The following MAML3 variants were observed in gnomAD, a reference collection of about 807,000 sequenced individuals.
The protein encoded by MAML3 is mastermind-like protein 3.
In MAML3, 27 loss-of-function variants were observed where a neutral mutation model predicts 101.9. The ratio of observed to expected loss-of-function variants is 0.27; its 90% CI spans 0.20 to 0.37. The LOEUF is 0.37. Among genes scored for constraint, MAML3 ranks in the 10% least tolerant of loss-of-function variants. The pLI, the probability that MAML3 is intolerant of heterozygous loss-of-function variation, is 1.00. For synonymous variants in MAML3, 501 were observed against 555.9 expected (o/e 0.90, Z 1.39); for missense variants, 1,316 against 1,444.9 (o/e 0.91, Z 1.45).
intron 1 of MAML3, among the ~76,000 whole-genome samples, chr4:139,892,867 C>G (rs1191979967): frequency 6.9e-6 from 1 of 145,884 alleles, no homozygotes; most frequent in African/African-American, 2.6e-5. Context: ...GGAGGTGGAG[C>G]TTGCAGTGAG....
intron 1 of MAML3, among the ~76,000 whole-genome samples, chr4:139,945,836 T>C (rs1733717503): frequency 6.6e-6 from 1 of 152,252 alleles, no homozygotes. Context: ...AAGGCATTTA[T>C]TCAGGCAGTG....
Position 139,890,623 on chromosome 4 carries a change from G to T in MAML3, c.813C>A (p.Ser271Arg), listed in dbSNP as rs766363821. 1 of 1,613,942 alleles carries T rather than the reference G, an allele frequency of 6.2e-7. No individual in the cohort carries two copies. The highest frequency in any genetic ancestry group is 1.7e-5 in the Admixed American group (1 of 60,012). ...DLEDSFTILQ[S>R]KDLKQEPLDD... Reference sequence around the variant, plus strand: ...CGAGAGGTTCTTGTTTGAGGTCTTTGCTCTGCAAGATGGTGAAGCTATCCT... The same window carrying T: ...CGAGAGGTTCTTGTTTGAGGTCTTTTCTCTGCAAGATGGTGAAGCTATCCT... Residue 271 changes from serine to arginine, a missense_variant, in exon 2 of 5, where the codon AGC becomes AGA. Transcript: ENST00000509479. The surrounding 1 kb of genome is among the most constrained non-coding windows in gnomAD (Gnocchi z 4.1).
rs147138366 is a variant in MAML3 at position 139,951,870 on chromosome 4, G to C, written c.469-60903C>G. Among the ~76,000 whole-genome samples the C allele has an allele frequency of 6.2e-3, 949 of 152,032 alleles. 6 individuals carry two copies. Among genetic ancestry groups the C allele is most frequent in the Middle Eastern group, 0.017 (5 of 292 alleles). On this transcript the variant is annotated intron_variant, in intron 1 of 4. Transcript: ENST00000509479. ...ATGGAGCCATTAAATTAAAGCTTAC[G>C]AAGGGCTATTAGGCTGCGTGCAGTG...
intron 2 of MAML3, 174 bp downstream of exon 2, chr4:139,889,183 T>C (rs746682523): frequency 1.6e-6 from 2 of 1,260,364 alleles, no homozygotes; most frequent in South Asian, 2.4e-5. Context: ...TTTCCATTTC[T>C]TAGGAGAAAT....
chr4:139,760,915 A>T (rs1439036330), intron 2 of MAML3, among the ~76,000 whole-genome samples: 1 of 152,144 alleles, frequency 6.6e-6, no homozygotes, highest in Non-Finnish European at 1.5e-5. Context: ...TAGAAAAGAG[A>T]GTCAAATTGC....
chr4:139,959,496 G>A (rs1305564443), intron 1 of MAML3, among the ~76,000 whole-genome samples: 1 of 152,152 alleles, frequency 6.6e-6, no homozygotes, highest in African/African-American at 2.4e-5. Flanking sequence ...CTGCTTTCAA[G>A]GTGAGATTTC....
At position 140,091,547 on chromosome 4, in the gene MAML3, A is replaced by C. The variant is rs1213672873; in HGVS notation, c.468+61313T>G. 1.3e-4 allele frequency among the ~76,000 whole-genome samples: 19 copies of C among 140,858 alleles called. 1 individual carries two copies. Among genetic ancestry groups the C allele is most frequent in the Admixed American group, 8.4e-4 (12 of 14,234 alleles). 92.4% of individuals were successfully genotyped at this position (140,858 alleles called of 152,430 possible). A position where few individuals can be genotyped will look rare whatever the true frequency, so the allele number is the denominator to read the frequency against. ...AACAAAACAACAAAACAAAAACAAA[A>C]CAAAAAAAAAAAACAGGACCAAGGA... On this transcript the variant is annotated intron_variant, in intron 1 of 4. Transcript: ENST00000509479.
chr4:139,995,960 G>T (rs1174891530), intron 1 of MAML3, among the ~76,000 whole-genome samples: 2 of 151,892 alleles, frequency 1.3e-5, no homozygotes, highest in African/African-American at 4.8e-5. Flanking sequence ...TGTTTTAGCT[G>T]TATCCCATAA....
chr4:140,104,012 T>C (rs1372365709), intron 1 of MAML3, among the ~76,000 whole-genome samples: 1 of 152,132 alleles, frequency 6.6e-6, no homozygotes, highest in African/African-American at 2.4e-5. Flanking sequence ...ATTCTCTCAG[T>C]AAAGATACAG....
At chr4:139,796,768 T>C (rs1200374503) in intron 2 of MAML3, among the ~76,000 whole-genome samples, 3 of 152,136 alleles carry the variant, frequency 2.0e-5, no homozygotes, top group African/African-American at 2.4e-5. Flanking sequence ...TTACAATATA[T>C]ATGCTTTAAA....
At chr4:139,852,031 G>C (rs539378408) in intron 2 of MAML3, among the ~76,000 whole-genome samples, 45 of 152,306 alleles carry the variant, frequency 3.0e-4, no homozygotes, top group Admixed American at 9.8e-4. Context: ...TGGCACCTTA[G>C]CAATCTTCAC....
chr4:140,012,328 G>C (rs1560866331), intron 1 of MAML3, among the ~76,000 whole-genome samples: 1 of 152,162 alleles, frequency 6.6e-6, no homozygotes, highest in Non-Finnish European at 1.5e-5. Flanking sequence ...AGTGTTATAG[G>C]CTGTAGGTGA....
intron 1 of MAML3, among the ~76,000 whole-genome samples, chr4:140,029,601 G>T (rs1310377436): frequency 2.0e-5 from 3 of 152,042 alleles, no homozygotes; most frequent in African/African-American, 7.2e-5. Flanking sequence ...ATAAACTACA[G>T]AAAAAGAGGG....
At chr4:140,136,348 T>G (rs1728882147) in intron 1 of MAML3, among the ~76,000 whole-genome samples, 2 of 152,166 alleles carry the variant, frequency 1.3e-5, no homozygotes, top group African/African-American at 4.8e-5. Flanking sequence ...TATCCCAAAA[T>G]GTTCTAGATA....
At chr4:140,006,407 GA>G (rs1182165435) in intron 1 of MAML3, among the ~76,000 whole-genome samples, 1 of 151,984 alleles carries the variant, frequency 6.6e-6, no homozygotes, top group Non-Finnish European at 1.5e-5. Flanking sequence ...CCAACATGGT[GA>G]AACCCCGACT....
intron 2 of MAML3, among the ~76,000 whole-genome samples, chr4:139,837,371 G>A (rs141436057): frequency 0.022 from 3,347 of 151,836 alleles, 131 homozygotes; most frequent in African/African-American, 0.075. Flanking sequence ...GGTGGTGGGC[G>A]CCTGTAGTCC....
intron 1 of MAML3, among the ~76,000 whole-genome samples, chr4:140,129,540 G>A (rs1728747882): frequency 6.6e-6 from 1 of 152,146 alleles, no homozygotes; most frequent in South Asian, 2.1e-4. Context: ...TTGGTTCTCT[G>A]AAAAGACAGG....
At chr4:140,021,181 A>G (rs1200335360) in intron 1 of MAML3, among the ~76,000 whole-genome samples, 1 of 152,246 alleles carries the variant, frequency 6.6e-6, no homozygotes, top group Non-Finnish European at 1.5e-5. Context: ...TGTGTTATTT[A>G]GGAGAACGGG....
intron 2 of MAML3, among the ~76,000 whole-genome samples, chr4:139,766,748 A>G (rs1729868972): frequency 6.6e-6 from 1 of 152,232 alleles, no homozygotes; most frequent in Non-Finnish European, 1.5e-5. Context: ...AGGTAAATTA[A>G]GTCAAGGGAA....
Sources: allele counts gnomAD v4.1 joint callset (sites outside exome capture counted in the v4.1 genomes callset), GRCh38; gene constraint gnomAD v4.1.1; non-coding constraint Gnocchi (gnomAD v3.1); transcripts MANE v1.5; gene names NCBI Gene and HGNC (gene_info 2026-07-23, HGNC 2026-07-21).